Variants in EYS observed in about 807,000 individuals in gnomAD.
EYS encodes EGF-like photoreceptor maintenance factor.
In EYS, 250 loss-of-function variants were observed where a neutral mutation model predicts 282.1. That is an observed-to-expected ratio of 0.89 (90% CI 0.80 to 0.98). The LOEUF is 0.98. Among genes scored for constraint, EYS ranks in the 50% least tolerant of loss-of-function variants. The probability of loss-of-function intolerance (pLI) is 0.00; values close to 1 mark genes in which losing one functional copy is unlikely to be tolerated. For missense variants in EYS, 4,016 were observed against 3,709.0 expected, an observed-to-expected ratio of 1.08 and a Z score of -2.15; for synonymous variants, 1,355 against 1,282.9, an observed-to-expected ratio of 1.06 and a Z score of -1.20.
At chr6:65,212,067 A>G (rs958330920) in intron 12 of EYS, among the ~76,000 whole-genome samples, 3 of 150,662 alleles carry the variant, frequency 2.0e-5, no homozygotes, top group South Asian at 4.3e-4. Flanking sequence ...ATAGAGATTC[A>G]GAAAATTATT....
intron 30 of EYS, among the ~76,000 whole-genome samples, chr6:64,263,137 A>G (rs752006871): frequency 6.6e-6 from 1 of 152,076 alleles, no homozygotes; most frequent in Non-Finnish European, 1.5e-5. Context: ...AGTAATCTGT[A>G]TTATTAAAAA....
In EYS at chr6:63,924,998, G is replaced by A. The variant is rs1764675727; in HGVS notation, c.7055+59385C>T. On this transcript the variant is annotated intron_variant, in intron 35 of 42. Coordinates refer to ENST00000503581, the MANE Select transcript of EYS (RefSeq NM_001142800.2). ...CACAGGACCTAAGCACATAAAACAAGCTCGTTCATATGTATAGTTTGGGTT... is the reference window on the plus strand; with the variant it reads ...CACAGGACCTAAGCACATAAAACAAACTCGTTCATATGTATAGTTTGGGTT... Among the ~76,000 whole-genome samples, 3 of 152,142 alleles carry A rather than the reference G, an allele frequency of 2.0e-5. No homozygotes were observed. The South Asian group carries it at 6.2e-4, about 32-fold the overall frequency.
At chr6:64,521,890 C>G (rs1777751130) in intron 26 of EYS, among the ~76,000 whole-genome samples, 1 of 151,744 alleles carries the variant, frequency 6.6e-6, no homozygotes, top group African/African-American at 2.4e-5. Flanking sequence ...GCTCTGAGCA[C>G]AAGGAGTGAT....
chr6:64,579,236 AGATCTGCCCTAGCAG>A (rs1313721777), intron 26 of EYS, among the ~76,000 whole-genome samples: 1 of 152,146 alleles, frequency 6.6e-6, no homozygotes, highest in African/African-American at 2.4e-5. Flanking sequence ...GACCCAGCTA[AGATCTGCCCTAGCAG>A]GAAAGTCACT....
At chr6:64,524,072 C>A (rs1247741687) in intron 26 of EYS, among the ~76,000 whole-genome samples, 1 of 151,592 alleles carries the variant, frequency 6.6e-6, no homozygotes, top group Admixed American at 6.6e-5. Flanking sequence ...AGCTAAAGAT[C>A]ACACATATTA....
chr6:65,277,442 AGTT>A (rs149682800), intron 12 of EYS, among the ~76,000 whole-genome samples: 77,877 of 145,154 alleles, frequency 0.54, 22,048 homozygotes, highest in East Asian at 0.91. Flanking sequence ...AAAAAAAAAA[AGTT>A]AATTAATTAA....
intron 22 of EYS, among the ~76,000 whole-genome samples, chr6:64,641,182 C>G (rs1768137179): frequency 6.6e-6 from 1 of 152,142 alleles, no homozygotes; most frequent in Non-Finnish European, 1.5e-5. Context: ...GGTAGCCTCA[C>G]AATCATAGCA....
intron 2 of EYS, among the ~76,000 whole-genome samples, chr6:65,555,217 G>A (rs966911456): frequency 3.9e-5 from 6 of 151,962 alleles, no homozygotes; most frequent in Admixed American, 2.0e-4. Context: ...CACTTAAAAC[G>A]ACCATGAAAT....
intron 13 of EYS, among the ~76,000 whole-genome samples, chr6:65,046,826 G>A (rs1471573329): frequency 2.6e-5 from 4 of 151,916 alleles, no homozygotes; most frequent in Non-Finnish European, 5.9e-5. Context: ...GGAACCTGGT[G>A]GAAGGTGTTT....
chr6:63,928,263 T>C (rs1764778502), intron 35 of EYS, among the ~76,000 whole-genome samples: 1 of 152,216 alleles, frequency 6.6e-6, no homozygotes, highest in South Asian at 2.1e-4. Flanking sequence ...CAGTGTTTGG[T>C]AGACTGGCTC....
Position 64,821,678 on chromosome 6 carries a change from A to G in EYS, c.3210T>C (p.Asp1070=), listed in dbSNP as rs1471482693. Residue 1070 remains aspartate (D), a synonymous_variant, in exon 21 of 43, where the codon GAT becomes GAC. Transcript: ENST00000503581. ...INEYPCSCDA[D]GTSTQCKIKI... ...TGATCTTACATTGTGTGCTAGTCCC[A>G]TCTGCATCACATGAACATGGATATT... 1.3e-6 allele frequency: 2 copies of G among 1,526,304 alleles called. No individual in the cohort carries two copies. The highest frequency in any genetic ancestry group is 4.9e-5 in the East Asian group (2 of 40,452). 94.5% of individuals were successfully genotyped at this position (1,526,304 alleles called of 1,614,324 possible). A position where few individuals can be genotyped will look rare whatever the true frequency, so the allele number is the denominator to read the frequency against.
intron 19 of EYS, among the ~76,000 whole-genome samples, chr6:64,840,492 G>A (rs898051861): frequency 1.3e-5 from 2 of 152,114 alleles, no homozygotes; most frequent in Non-Finnish European, 2.9e-5. Context: ...AGTGATGGGA[G>A]AACATTTTAG....
At chr6:64,780,284 T>C (rs536920879) in intron 22 of EYS, among the ~76,000 whole-genome samples, 1 of 152,312 alleles carries the variant, frequency 6.6e-6, no homozygotes, top group Non-Finnish European at 1.5e-5. Flanking sequence ...TAAATGTGGA[T>C]TTTTGACATA....
At chr6:64,503,611 T>C (rs967665123) in intron 26 of EYS, among the ~76,000 whole-genome samples, 9 of 152,170 alleles carry the variant, frequency 5.9e-5, no homozygotes, top group African/African-American at 1.4e-4. Flanking sequence ...GTGTCCAAAC[T>C]GATAGTTTGG....
intron 31 of EYS, among the ~76,000 whole-genome samples, chr6:64,118,890 G>T (rs1170739641): frequency 1.3e-5 from 2 of 152,030 alleles, no homozygotes; most frequent in African/African-American, 2.4e-5. Context: ...ATGGGCAAAT[G>T]ATCTGAATAG....
At chr6:64,763,245 G>A (rs1177845034) in intron 22 of EYS, among the ~76,000 whole-genome samples, 1 of 152,104 alleles carries the variant, frequency 6.6e-6, no homozygotes, top group Non-Finnish European at 1.5e-5. Flanking sequence ...AACTGAGAGT[G>A]GGTATTTTAT....
At chr6:65,539,793 T>C (rs1286375698) in intron 2 of EYS, among the ~76,000 whole-genome samples, 1 of 152,210 alleles carries the variant, frequency 6.6e-6, no homozygotes, top group Non-Finnish European at 1.5e-5. Flanking sequence ...AAAGTTTCAA[T>C]CTTGAAAGTA....
intron 24 of EYS, among the ~76,000 whole-genome samples, chr6:64,603,047 C>G (rs1030140307): frequency 6.6e-6 from 1 of 151,890 alleles, no homozygotes; most frequent in African/African-American, 2.4e-5. Flanking sequence ...CTATACAAGG[C>G]TAGGACATTA....
chr6:65,292,087 T>C (rs1346062792), intron 12 of EYS, among the ~76,000 whole-genome samples: 1 of 151,634 alleles, frequency 6.6e-6, no homozygotes, highest in Non-Finnish European at 1.5e-5. Flanking sequence ...AACAAAATAT[T>C]TTCTGAAGGA....
Sources: allele counts gnomAD v4.1 joint callset (sites outside exome capture counted in the v4.1 genomes callset), GRCh38; gene constraint gnomAD v4.1.1; transcripts MANE v1.5; gene names NCBI Gene and HGNC (gene_info 2026-07-23, HGNC 2026-07-21).